Variants in EPHB2 observed in about 807,000 individuals in gnomAD.
EPHB2 encodes EPH receptor B2.
In EPHB2, 18 loss-of-function variants were observed where a neutral mutation model predicts 96.4. That is an observed-to-expected ratio of 0.19 (90% CI 0.13 to 0.28). The LOEUF is 0.28. Among genes scored for constraint, EPHB2 ranks in the 10% least tolerant of loss-of-function variants. EPHB2 has a pLI of 1.00. For missense variants in EPHB2, 989 were observed against 1,355.4 expected, an observed-to-expected ratio of 0.73 and a Z score of 4.25; for synonymous variants, 506 against 534.1, an observed-to-expected ratio of 0.95 and a Z score of 0.72.
intron 9 of EPHB2, among the ~76,000 whole-genome samples, chr1:22,904,723 A>G (rs570804638): frequency 1.5e-4 from 23 of 152,370 alleles, no homozygotes; most frequent in African/African-American, 5.3e-4. Context: ...AGGAATGAGC[A>G]TGGTTGTGTT....
At chr1:22,735,193 G>A (rs1222001723) in intron 1 of EPHB2, among the ~76,000 whole-genome samples, 1 of 151,426 alleles carries the variant, frequency 6.6e-6, no homozygotes, top group Non-Finnish European at 1.5e-5. Flanking sequence ...GGGAGGGTGA[G>A]GCAGGAGGGT....
At chr1:22,773,188 C>G (rs931577249) in intron 1 of EPHB2, among the ~76,000 whole-genome samples, 5 of 152,230 alleles carry the variant, frequency 3.3e-5, no homozygotes, top group African/African-American at 1.2e-4. Flanking sequence ...TTTGTCATCT[C>G]CATTTTACAG....
At chr1:22,814,128 C>T (rs1333013325) in intron 3 of EPHB2, among the ~76,000 whole-genome samples, 1 of 152,110 alleles carries the variant, frequency 6.6e-6, no homozygotes, top group Non-Finnish European at 1.5e-5. Flanking sequence ...CGAGATCGCG[C>T]CATTGCACTC....
chr1:22,721,575 G>T (rs764743289), intron 1 of EPHB2, among the ~76,000 whole-genome samples: 2 of 152,128 alleles, frequency 1.3e-5, no homozygotes, highest in African/African-American at 4.8e-5. Flanking sequence ...AGGAATCTGT[G>T]TCCGGTTTTG....
At chr1:22,823,288 G>A (rs998610283) in intron 3 of EPHB2, among the ~76,000 whole-genome samples, 27 of 152,156 alleles carry the variant, frequency 1.8e-4, no homozygotes, top group Admixed American at 1.2e-3. Flanking sequence ...CTCAACTTGG[G>A]TATCACCTCC....
At position 22,918,179 on chromosome 1, in the gene EPHB2, C is replaced by A. The variant is rs1640316465; in HGVS notation, c.*4609C>A. The A allele has an allele frequency of 6.6e-6, 1 of 152,136 alleles. No individual in the cohort carries two copies. Among genetic ancestry groups the A allele is most frequent in the Non-Finnish European group, 1.5e-5 (1 of 68,062 alleles). The allele number at this position is 152,136 out of a possible 1,614,324, so 9.4% of individuals were successfully genotyped here. ...GAGAAGGAATTGCCCCCGGAGCGGC[C>A]CTCATTTATTCCAGGAGAAGCCAGG... On this transcript the variant is annotated 3_prime_UTR_variant, in exon 16 of 16. Coordinates refer to ENST00000374630, the MANE Select transcript of EPHB2 (RefSeq NM_017449.5). This position sits in a 1 kb window ranked among gnomAD's most constrained non-coding sequence, Gnocchi z 4.2.
intron 1 of EPHB2, among the ~76,000 whole-genome samples, chr1:22,748,986 C>T (rs1180303601): frequency 1.3e-5 from 2 of 150,240 alleles, no homozygotes; most frequent in South Asian, 2.1e-4. Flanking sequence ...TGCTGGTCAT[C>T]GGCGCCTGTC....
chr1:22,893,148 G>A, intron 7 of EPHB2, 102 bp downstream of exon 7: 1 of 1,578,220 alleles, frequency 6.3e-7, no homozygotes, highest in Non-Finnish European at 8.7e-7. Flanking sequence ...GATTAGAAAA[G>A]GCACTCCCTT....
Position 22,808,710 on chromosome 1 carries a change from C to T in EPHB2, c.811+23634C>T, listed in dbSNP as rs147085016. On this transcript the variant is annotated intron_variant, in intron 3 of 15. Transcript: ENST00000374630. ...AAGCTCTTAATGTATATTTAATTCC[C>T]GTAACACCCTTATGACACGGGTATT... 2.8e-3 allele frequency among the ~76,000 whole-genome samples: 425 copies of T among 152,282 alleles called. 3 individuals carry two copies. The highest frequency in any genetic ancestry group is 9.8e-3 in the African/African-American group (407 of 41,558).
At chr1:22,727,807 A>C (rs34809969) in intron 1 of EPHB2, among the ~76,000 whole-genome samples, 175 of 150,076 alleles carry the variant, frequency 1.2e-3, no homozygotes, top group African/African-American at 3.6e-3. Context: ...AAAAAAAAAA[A>C]AAACTTTTTT....
intron 3 of EPHB2, among the ~76,000 whole-genome samples, chr1:22,853,166 C>G (rs1369350074): frequency 6.6e-6 from 1 of 152,204 alleles, no homozygotes; most frequent in Non-Finnish European, 1.5e-5. Flanking sequence ...CTGGCTAACA[C>G]AGTGAAATCC....
At chr1:22,750,684 C>T (rs972685466) in intron 1 of EPHB2, among the ~76,000 whole-genome samples, 2 of 152,240 alleles carry the variant, frequency 1.3e-5, no homozygotes, top group African/African-American at 4.8e-5. Flanking sequence ...GCCAGGACAT[C>T]ATCTTGTTTT....
intron 1 of EPHB2, among the ~76,000 whole-genome samples, chr1:22,719,262 G>T (rs962215430): frequency 3.3e-5 from 5 of 152,164 alleles, no homozygotes; most frequent in Non-Finnish European, 7.3e-5. Flanking sequence ...CTTTAGAGAT[G>T]AGGAAACTGA....
At chr1:22,753,622 G>A (rs940125155) in intron 1 of EPHB2, among the ~76,000 whole-genome samples, 6 of 152,158 alleles carry the variant, frequency 3.9e-5, no homozygotes, top group African/African-American at 1.2e-4. Flanking sequence ...TGCGGAGTGG[G>A]AGGGGCCTTT....
rs1026825791 is a variant in EPHB2, at chr1:22,858,412, G to A, written c.812-4625G>A. Among the ~76,000 whole-genome samples the A allele has an allele frequency of 6.6e-6, 1 of 152,192 alleles. No individual in the cohort carries two copies. Among genetic ancestry groups the A allele is most frequent in the Non-Finnish European group, 1.5e-5 (1 of 68,018 alleles). On this transcript the variant is annotated intron_variant, in intron 3 of 15. Transcript: ENST00000374630. The surrounding 1 kb of genome is among the most constrained non-coding windows in gnomAD (Gnocchi z 7.7). ...CCAGGGACTGTGGAAGATTGGCAGA[G>A]AGGCCACAGTGGAGCAGAGACCCAT...
rs1319090631 is a variant in EPHB2 at position 22,908,104 on chromosome 1, C to G, written c.2288C>G (p.Ser763Trp). 1 of 1,614,228 alleles carries G rather than the reference C, an allele frequency of 6.2e-7. No homozygotes were observed. Among genetic ancestry groups the G allele is most frequent in the Non-Finnish European group, 8.5e-7 (1 of 1,180,046 alleles). Residue 763 changes from serine (S) to tryptophan (W), a missense_variant, in exon 12 of 16, where the codon TCG becomes TGG. Ser to Trp is a radical substitution (Grantham distance 177). Coordinates refer to ENST00000374630, the MANE Select transcript of EPHB2 (RefSeq NM_017449.5). ...LVNSNLVCKV[S>W]DFGLSRFLED... ...AACAGCAACCTGGTCTGCAAGGTGT[C>G]GGACTTTGGGCTCTCACGCTTTCTA... is the stretch of plus-strand genomic sequence containing the variant.
intron 3 of EPHB2, among the ~76,000 whole-genome samples, chr1:22,789,301 A>T (rs1032686043): frequency 6.6e-6 from 1 of 152,232 alleles, no homozygotes; most frequent in African/African-American, 2.4e-5. Flanking sequence ...TAATAGGAAA[A>T]CATCCATTGC....
intron 3 of EPHB2, among the ~76,000 whole-genome samples, chr1:22,804,023 A>C (rs1436839597): frequency 6.6e-6 from 1 of 152,152 alleles, no homozygotes; most frequent in African/African-American, 2.4e-5. Context: ...TTCCATACAC[A>C]TCTTCACCAA....
At position 22,733,412 on chromosome 1, in the gene EPHB2, A is replaced by G. The variant is rs1643759410; in HGVS notation, c.61+22369A>G. On this transcript the variant is annotated intron_variant, in intron 1 of 15. Coordinates refer to ENST00000374630, the MANE Select transcript of EPHB2 (RefSeq NM_017449.5). The surrounding 1 kb of genome is among the most constrained non-coding windows in gnomAD (Gnocchi z 4.6). ...GGGAAACCAAGACCCAAAGAGGATA[A>G]GGACCTGTGCAAAGTCACACAGTGA... is the stretch of plus-strand genomic sequence containing the variant. Among the ~76,000 whole-genome samples, 1 of 152,206 alleles carries G rather than the reference A, an allele frequency of 6.6e-6. No individual in the cohort carries two copies. The highest frequency in any genetic ancestry group is 1.5e-5 in the Non-Finnish European group (1 of 68,034).
Sources: gnomAD v4.1 joint callset for allele counts (sites outside exome capture counted in the v4.1 genomes callset) on GRCh38, gnomAD v4.1.1 for gene constraint, Gnocchi (gnomAD v3.1) non-coding constraint, MANE v1.5 for transcripts, NCBI Gene and HGNC (gene_info 2026-07-23, HGNC 2026-07-21) for gene names.